SLC4A4: variants seen among roughly 807,000 people sequenced by gnomAD.
SLC4A4 encodes electrogenic sodium bicarbonate cotransporter 1.
Under a neutral mutation model 111.5 loss-of-function variants are expected in SLC4A4, and 27 were observed. The ratio of observed to expected loss-of-function variants is 0.24; its 90% confidence interval spans 0.18 to 0.33. The LOEUF (loss-of-function observed/expected upper bound fraction) is 0.33, where lower values mean the gene tolerates loss of function less well. Ranked by LOEUF, SLC4A4 falls within the 10% of genes least tolerant of loss-of-function variation. The pLI is 1.00. For missense variants in SLC4A4, 909 were observed against 1,315.5 expected, an observed-to-expected ratio of 0.69 and a Z score of 4.78; for synonymous variants, 443 against 463.4, an observed-to-expected ratio of 0.96 and a Z score of 0.57.
At chr4:71,433,255 C>T (rs867366619) in intron 7 of SLC4A4, among the ~76,000 whole-genome samples, 4 of 151,554 alleles carry the variant, frequency 2.6e-5, no homozygotes, top group South Asian at 2.1e-4. Context: ...ATCTCCCAAT[C>T]ACCCCCATTA....
At chr4:71,360,138 G>GT (rs896849973) in intron 6 of SLC4A4, among the ~76,000 whole-genome samples, 3 of 152,126 alleles carry the variant, frequency 2.0e-5, no homozygotes, top group Admixed American at 6.5e-5. Context: ...CTTTCTGCCT[G>GT]TTTCACTACA....
intron 5 of SLC4A4, among the ~76,000 whole-genome samples, chr4:71,352,705 G>A (rs898001455): frequency 2.0e-5 from 3 of 152,208 alleles, no homozygotes; most frequent in African/African-American, 4.8e-5. Flanking sequence ...ATCATCAGAT[G>A]TATTTGCTGT....
At chr4:71,205,728 GC>G (rs55711782) in intron 1 of SLC4A4, among the ~76,000 whole-genome samples, 1 of 152,216 alleles carries the variant, frequency 6.6e-6, no homozygotes, top group Non-Finnish European at 1.5e-5. Flanking sequence ...TAAAATGAGA[GC>G]CTGTCAGCTG....
intron 20 of SLC4A4, among the ~76,000 whole-genome samples, chr4:71,551,013 C>T (rs1263437002): frequency 6.6e-6 from 1 of 151,880 alleles, no homozygotes; most frequent in Non-Finnish European, 1.5e-5. Context: ...GCAAGAATAA[C>T]TGGCGCCCCT....
chr4:71,137,814 C>T (rs1347018816), intron 2 of SLC4A4, among the ~76,000 whole-genome samples: 1 of 152,092 alleles, frequency 6.6e-6, no homozygotes, highest in East Asian at 1.9e-4. Context: ...TTTCGTTTCT[C>T]GCTTGTTTTG....
At chr4:71,403,416 A>G (rs2148988567) in intron 7 of SLC4A4, among the ~76,000 whole-genome samples, 1 of 152,358 alleles carries the variant, frequency 6.6e-6, no homozygotes, top group South Asian at 2.1e-4. Context: ...TTGGGAAGAG[A>G]CAGACTGTAA....
chr4:71,111,545 T>TCG (rs1381088465), intron 2 of SLC4A4, among the ~76,000 whole-genome samples: 3 of 142,734 alleles, frequency 2.1e-5, no homozygotes, highest in African/African-American at 7.9e-5. Context: ...TTTTTTTTTT[T>TCG]TTTTTTTGTA....
At chr4:71,474,790 G>A (rs1728209802) in intron 14 of SLC4A4, among the ~76,000 whole-genome samples, 1 of 151,824 alleles carries the variant, frequency 6.6e-6, no homozygotes, top group Non-Finnish European at 1.5e-5. Flanking sequence ...AAGCTAACTA[G>A]CGTTCAGCTG....
chr4:71,172,964 T>C (rs1744984545), intron 2 of SLC4A4, among the ~76,000 whole-genome samples: 1 of 152,236 alleles, frequency 6.6e-6, no homozygotes, highest in Non-Finnish European at 1.5e-5. Context: ...TGTAGTACTG[T>C]CTGTACTATG....
intron 13 of SLC4A4, among the ~76,000 whole-genome samples, chr4:71,466,922 C>T (rs1275635575): frequency 2.5e-5 from 3 of 119,342 alleles, no homozygotes; most frequent in Non-Finnish European, 3.5e-5. Context: ...GGAGTACCAA[C>T]AAGACGGGAA....
intron 20 of SLC4A4, among the ~76,000 whole-genome samples, chr4:71,550,286 C>T (rs1048483937): frequency 6.6e-6 from 1 of 151,922 alleles, no homozygotes; most frequent in African/African-American, 2.4e-5. Flanking sequence ...TTAGGCTATT[C>T]CTTACTTCGG....
At chr4:71,271,840 T>C (rs1247220054) in intron 3 of SLC4A4, among the ~76,000 whole-genome samples, 1 of 152,250 alleles carries the variant, frequency 6.6e-6, no homozygotes, top group East Asian at 1.9e-4. Flanking sequence ...GTGCATATTT[T>C]ATTTTATTCT....
rs761973477 is a variant in SLC4A4 at position 71,453,573 on chromosome 4, T to C, written c.1401T>C (p.Ile467=). ...FASDFYDALN[I]QALSAILFIY... ...GTGATTTTTATGATGCTTTAAATAT[T>C]CAAGCTCTTTCGGCAATTCTCTTCA... The change falls in exon 12 of 26, where the codon ATT becomes ATC. Residue 467 remains isoleucine (I), a synonymous_variant. Transcript: ENST00000264485. 2.5e-6 allele frequency: 4 copies of C among 1,614,004 alleles called. No individual in the cohort carries two copies. Among genetic ancestry groups the C allele is most frequent in the Non-Finnish European group, 2.5e-6 (3 of 1,179,900 alleles).
intron 4 of SLC4A4, among the ~76,000 whole-genome samples, chr4:71,340,099 C>T (rs1003958203): frequency 4.6e-5 from 7 of 152,002 alleles, no homozygotes; most frequent in Admixed American, 2.0e-4. Flanking sequence ...TGGTGCATGC[C>T]TGTGGTCCCA....
intron 3 of SLC4A4, among the ~76,000 whole-genome samples, chr4:71,327,765 C>T (rs947284216): frequency 6.6e-6 from 1 of 151,768 alleles, no homozygotes; most frequent in Non-Finnish European, 1.5e-5. Context: ...GCAGACAGTG[C>T]ATAATAATCA....
intron 2 of SLC4A4, among the ~76,000 whole-genome samples, chr4:71,134,332 C>T (rs1743787882): frequency 6.6e-6 from 1 of 152,200 alleles, no homozygotes; most frequent in African/African-American, 2.4e-5. Flanking sequence ...ATCAGAAACT[C>T]TCCTACTGGT....
intron 2 of SLC4A4, among the ~76,000 whole-genome samples, chr4:71,106,714 A>G (rs1405740560): frequency 1.4e-5 from 2 of 140,222 alleles, no homozygotes; most frequent in Admixed American, 7.2e-5. Flanking sequence ...ATAGGTGGGA[A>G]TTGAACAATG....
At chr4:71,316,062 C>T (rs1401961994) in intron 3 of SLC4A4, among the ~76,000 whole-genome samples, 1 of 152,136 alleles carries the variant, frequency 6.6e-6, no homozygotes, top group Non-Finnish European at 1.5e-5. Context: ...AGGTAGCATA[C>T]TGCTGGCAAT....
At chr4:71,196,582 A>G (rs1275815114) in intron 1 of SLC4A4, among the ~76,000 whole-genome samples, 1 of 151,906 alleles carries the variant, frequency 6.6e-6, no homozygotes, top group Non-Finnish European at 1.5e-5. Flanking sequence ...TAATTGTTTC[A>G]TATGTGTTCA....
Sources: gnomAD v4.1 joint callset for allele counts (sites outside exome capture counted in the v4.1 genomes callset) on GRCh38, gnomAD v4.1.1 for gene constraint, MANE v1.5 for transcripts, NCBI Gene and HGNC (gene_info 2026-07-23, HGNC 2026-07-21) for gene names.